The following MLXIP variants were observed in gnomAD, a reference collection of about 807,000 sequenced individuals.
MLXIP encodes the protein MLX interacting protein.
A neutral mutation model predicts 87.2 loss-of-function variants in MLXIP; 30 were observed. The ratio of observed to expected loss-of-function variants is 0.34; its 90% CI spans 0.26 to 0.47. MLXIP has a LOEUF of 0.47. Among genes scored for constraint, MLXIP ranks in the 20% least tolerant of loss-of-function variants. The pLI is 1.00. For synonymous variants in MLXIP, 530 were observed against 514.0 expected (o/e 1.03, Z -0.42); for missense variants, 1,002 against 1,240.1 (o/e 0.81, Z 2.88).
At chr12:122,117,150 A>G (rs1384076126) in intron 1 of MLXIP, among the ~76,000 whole-genome samples, 3 of 152,194 alleles carry the variant, frequency 2.0e-5, no homozygotes, top group African/African-American at 7.2e-5. Flanking sequence ...CGCACACTGG[A>G]GTGTGCACCA....
chr12:122,083,783 G>T (rs899414761), intron 1 of MLXIP, among the ~76,000 whole-genome samples: 4 of 152,220 alleles, frequency 2.6e-5, no homozygotes, highest in Admixed American at 2.0e-4. Flanking sequence ...AAAGGTTAGA[G>T]CACTGTGTCC....
intron 2 of MLXIP, 36 bp from the exon 3 acceptor site, chr12:122,127,847 G>T: frequency 6.3e-7 from 1 of 1,591,650 alleles, no homozygotes; most frequent in Non-Finnish European, 8.6e-7. Context: ...CAGGGGTCTG[G>T]ATCATGGTGC....
intron 15 of MLXIP, 134 bp downstream of exon 15, chr12:122,139,072 G>T: frequency 1.5e-6 from 2 of 1,375,626 alleles, no homozygotes; most frequent in Non-Finnish European, 2.0e-6. Flanking sequence ...GGCAGTGCTA[G>T]TGTCTATCTC....
In MLXIP at chr12:122,142,469, G is replaced by A. The variant is rs184555938; in HGVS notation, c.*657G>A. On this transcript the variant is annotated 3_prime_UTR_variant, in exon 17 of 17. Coordinates refer to ENST00000319080, the MANE Select transcript of MLXIP (RefSeq NM_014938.6). Reference sequence around the variant, plus strand: ...GAACACACAGGACCAGAATGGAAGCGTGTGATGCACGGTGGCTGCTCTGGC... The same window carrying A: ...GAACACACAGGACCAGAATGGAAGCATGTGATGCACGGTGGCTGCTCTGGC... 12 of 377,374 alleles carry A rather than the reference G, an allele frequency of 3.2e-5. No individual in the cohort carries two copies. The highest frequency in any genetic ancestry group is 7.2e-5 in the East Asian group (1 of 13,906). The allele number at this position is 377,374 out of a possible 1,614,324, so 23.4% of individuals were successfully genotyped here.
chr12:122,093,158 G>A (rs1464202498), intron 1 of MLXIP, among the ~76,000 whole-genome samples: 2 of 147,648 alleles, frequency 1.4e-5, no homozygotes, highest in African/African-American at 2.5e-5. Flanking sequence ...TTGGCGTGTA[G>A]GGTATGTAGT....
chr12:122,141,253 G>A (rs1014971519), intron 16 of MLXIP, 170 bp downstream of exon 16: 6 of 507,644 alleles, frequency 1.2e-5, no homozygotes, highest in Non-Finnish European at 1.5e-5. Context: ...AGTGGGGGCA[G>A]GAGGCTCCTG....
Position 122,078,873 on chromosome 12 carries a change from T to C in MLXIP, c.20T>C (p.Met7Thr). 1 of 1,121,032 alleles carries C rather than the reference T, an allele frequency of 8.9e-7. No individual in the cohort carries two copies. Among genetic ancestry groups the C allele is most frequent in the Non-Finnish European group, 1.1e-6 (1 of 915,204 alleles). The allele number at this position is 1,121,032 out of a possible 1,614,324, so 69.4% of individuals were successfully genotyped here. The change falls in exon 1 of 17, where the codon ATG (methionine) becomes ACG (threonine). Residue 7 changes from methionine (M) to threonine (T), a missense_variant. By Grantham distance (81) the Met-to-Thr change is moderately conservative. Around this residue, in one of 3 missense-constraint regions of MLXIP, gnomAD observed 129 missense variants for 104.2 expected, o/e 1.24. Transcript: ENST00000319080. MAADVF[M>T]CSPRRPRSRG... ...CTTCTCATGGCCGCCGACGTCTTCA[T>C]GTGCTCCCCGCGCCGGCCTCGCAGC...
intron 1 of MLXIP, among the ~76,000 whole-genome samples, chr12:122,097,685 C>G (rs1292832952): frequency 6.6e-6 from 1 of 152,060 alleles, no homozygotes; most frequent in Non-Finnish European, 1.5e-5. Flanking sequence ...TGTCCCCACA[C>G]TGCCCACCAT....
chr12:122,133,563 G>A lies in MLXIP; in HGVS notation c.1308G>A (p.Leu436=). The A allele has an allele frequency of 6.2e-7, 1 of 1,605,664 alleles. No individual in the cohort carries two copies. The highest frequency in any genetic ancestry group is 8.5e-7 in the Non-Finnish European group (1 of 1,176,368). The part of the protein sequence containing the change: ...QPFLPVFTMP[L]LSPSPAPPPI... ...TCCTCCCTGTCTTCACCATGCCCCTGCTGTCTCCCAGCCCCGCCCCACCGC... is the reference window on the plus strand; with the variant it reads ...TCCTCCCTGTCTTCACCATGCCCCTACTGTCTCCCAGCCCCGCCCCACCGC... The change falls in exon 9 of 17, where the codon CTG becomes CTA. Residue 436 remains leucine (L), a synonymous_variant. Transcript: ENST00000319080. This position sits in a 1 kb window ranked among gnomAD's most constrained non-coding sequence, Gnocchi z 4.9.
intron 1 of MLXIP, among the ~76,000 whole-genome samples, chr12:122,090,173 G>T (rs188056133): frequency 1.3e-5 from 2 of 152,274 alleles, no homozygotes; most frequent in East Asian, 1.9e-4. Flanking sequence ...CAACATGGAT[G>T]AATCTCAGAA....
chr12:122,105,208 G>A (rs2135933103), intron 1 of MLXIP, among the ~76,000 whole-genome samples: 1 of 152,298 alleles, frequency 6.6e-6, no homozygotes, highest in East Asian at 1.9e-4. Context: ...TATCTCTGCA[G>A]TTAGTCACTG....
chr12:122,116,394 G>A (rs1033275129), intron 1 of MLXIP, among the ~76,000 whole-genome samples: 2 of 152,126 alleles, frequency 1.3e-5, no homozygotes, highest in African/African-American at 4.8e-5. Flanking sequence ...AAAAGGCAAA[G>A]GGCATGGGCA....
chr12:122,099,976 C>G (rs889429533), intron 1 of MLXIP, among the ~76,000 whole-genome samples: 6 of 152,146 alleles, frequency 3.9e-5, no homozygotes, highest in African/African-American at 7.2e-5. Flanking sequence ...TGTGGTTATA[C>G]CCCGACATTT....
intron 2 of MLXIP, 23 bp downstream of exon 2, chr12:122,127,385 G>T: frequency 6.4e-7 from 1 of 1,555,678 alleles, no homozygotes; most frequent in African/African-American, 1.4e-5. Flanking sequence ...CAGCCTGGGC[G>T]CCGGTGGTGG....
chr12:122,134,215 T>G (rs1953040547), intron 9 of MLXIP: 1 of 609,298 alleles, frequency 1.6e-6, no homozygotes, highest in East Asian at 3.1e-5. Context: ...GTTTTTTTTT[T>G]TTTGAGACAG....
At chr12:122,097,840 A>C (rs1464199923) in intron 1 of MLXIP, among the ~76,000 whole-genome samples, 1 of 126,086 alleles carries the variant, frequency 7.9e-6, no homozygotes, top group Non-Finnish European at 1.7e-5. Flanking sequence ...TTTGGAATCC[A>C]TGGGTTCCCC....
chr12:122,114,762 G>T (rs1328342506), intron 1 of MLXIP, among the ~76,000 whole-genome samples: 2 of 149,594 alleles, frequency 1.3e-5, no homozygotes, highest in African/African-American at 4.9e-5. Flanking sequence ...TTTTGGTGGG[G>T]GGGGACAGGG....
intron 1 of MLXIP, among the ~76,000 whole-genome samples, chr12:122,093,893 G>T (rs1485218143): frequency 7.1e-6 from 1 of 141,634 alleles, no homozygotes; most frequent in African/African-American, 2.6e-5. Flanking sequence ...GTGTTGGCAT[G>T]TGTGTGTGGT....
At chr12:122,092,878 C>T in intron 1 of MLXIP, among the ~76,000 whole-genome samples, 1 of 139,592 alleles carries the variant, frequency 7.2e-6, no homozygotes, top group Non-Finnish European at 1.6e-5. Context: ...TGTTACCTAT[C>T]TTCGGCTTTG....
Sources: allele counts gnomAD v4.1 joint callset (sites outside exome capture counted in the v4.1 genomes callset), GRCh38; gene constraint gnomAD v4.1.1; regional missense constraint gnomAD v4.1.1; non-coding constraint Gnocchi (gnomAD v3.1); transcripts MANE v1.5; gene names NCBI Gene and HGNC (gene_info 2026-07-23, HGNC 2026-07-21).